YAE1: variants seen among roughly 807,000 people sequenced by gnomAD.
YAE1 encodes the protein YAE1 maturation factor of ABCE1.
In YAE1, 22 loss-of-function variants were observed where a neutral mutation model predicts 23.0. That is an observed-to-expected ratio of 0.96 (90% CI 0.68 to 1.37). The LOEUF (loss-of-function observed/expected upper bound fraction) is 1.37, where lower values mean the gene tolerates loss of function less well. Ranked by LOEUF, YAE1 falls within the 40% of genes most tolerant of loss-of-function variation. The pLI is 0.00. For synonymous variants in YAE1, 101 were observed against 97.0 expected, an observed-to-expected ratio of 1.04 and a Z score of -0.24; for missense variants, 260 against 262.1, an observed-to-expected ratio of 0.99 and a Z score of 0.06.
chr7:39,570,181 AC>A (rs1294070549), intron 1 of YAE1: 1 of 683,970 alleles, frequency 1.5e-6, no homozygotes. Flanking sequence ...GAACTGCAAG[AC>A]TCCTGGAGGG....
At chr7:39,610,138 C>A in exon 3 of YAE1, 1 of 865,378 alleles carries the variant, frequency 1.2e-6, no homozygotes, top group Non-Finnish European at 1.7e-6. Context: ...ACACGTCTCT[C>A]AAACTATGAA....
chr7:39,605,547 C>G (rs572180862), intron 2 of YAE1, among the ~76,000 whole-genome samples: 1 of 152,314 alleles, frequency 6.6e-6, no homozygotes, highest in Admixed American at 6.5e-5. Flanking sequence ...AATTGAAACA[C>G]TGGCTGTTTT....
intron 2 of YAE1, chr7:39,609,495 C>T (rs1791175021): frequency 7.4e-7 from 1 of 1,342,582 alleles, no homozygotes; most frequent in African/African-American, 1.5e-5. Context: ...GTAACAGAGA[C>T]AAATCTTCGT....
downstream of YAE1, among the ~76,000 whole-genome samples, chr7:39,611,221 A>C (rs142180967): frequency 4.5e-4 from 69 of 152,306 alleles, no homozygotes; most frequent in East Asian, 0.013. Context: ...GTTGTCTTAG[A>C]TATACAAATA....
In YAE1 at chr7:39,570,246, G is replaced by GT. The variant is rs1027459866; in HGVS notation, c.130-254dup. 11 of 632,994 alleles carry GT rather than the reference G, an allele frequency of 1.7e-5. No individual in the cohort carries two copies. The African/African-American group carries it at 1.8e-4, about 11-fold the overall frequency. 39.2% of individuals were successfully genotyped at this position (632,994 alleles called of 1,614,324 possible). A position where few individuals can be genotyped will look rare whatever the true frequency, so the allele number is the denominator to read the frequency against. On this transcript the variant is annotated intron_variant, in intron 1 of 2. Transcript: ENST00000223273. ...AGCAAGCGTGGCGGCCCAACACTAG[G>GT]TTTTTTAAAAACTGTGACTATCAGT...
At chr7:39,582,221 T>C (rs1227542931) in intron 2 of YAE1, among the ~76,000 whole-genome samples, 2 of 151,854 alleles carry the variant, frequency 1.3e-5, no homozygotes, top group East Asian at 1.9e-4. Context: ...ATTGTTGAGA[T>C]AGGGCCTCAC....
In YAE1 at chr7:39,572,750, G is replaced by T; in HGVS notation, c.*44G>T. 2.0e-6 allele frequency: 3 copies of T among 1,523,518 alleles called. No homozygotes were observed. The highest frequency in any genetic ancestry group is 2.6e-6 in the Non-Finnish European group (3 of 1,141,310). The allele number at this position is 1,523,518 out of a possible 1,614,324, so 94.4% of individuals were successfully genotyped here. On this transcript the variant is annotated 3_prime_UTR_variant, in exon 3 of 3. Transcript: ENST00000223273. The stretch of plus-strand genomic sequence containing the variant: ...AATGAAAATAATGTTCAGAACATTT[G>T]GTTTCCTAACAATCGAAATTTGTAC...
chr7:39,598,778 C>T lies in YAE1; in HGVS notation c.252-10839C>T, dbSNP rs77567109. On this transcript the variant is annotated intron_variant, in intron 2 of 2. Transcript: ENST00000432096. ...GGTGACAAAGTGAGACCCTGAGGTC[C>T]TGTCTCAAAAAAAAAAAAAAAGAAG... Among the ~76,000 whole-genome samples the T allele has an allele frequency of 0.012, 1,666 of 135,460 alleles. 63 individuals carry two copies. In the East Asian group the frequency reaches 0.13, roughly 11 times the overall value. The allele number at this position is 135,460 out of a possible 152,430, so 88.9% of individuals were successfully genotyped here. A position where few individuals can be genotyped will look rare whatever the true frequency, so the allele number is the denominator to read the frequency against.
At chr7:39,609,553 GA>G in intron 2 of YAE1, 1 of 1,493,918 alleles carries the variant, frequency 6.7e-7, no homozygotes, top group Non-Finnish European at 8.9e-7. Flanking sequence ...GGAGAATGGG[GA>G]AAGTTGTGGG....
chr7:39,572,631 T>C lies in YAE1; in HGVS notation c.606T>C (p.Ile202=). The C allele has an allele frequency of 6.2e-7, 1 of 1,613,952 alleles. No homozygotes were observed. The part of the protein sequence containing the change: ...AHSENPSPTW[I]LEQTASLVKQ... ...CAGAAAACCCAAGCCCCACATGGATTTTGGAACAGACAGCCAGTTTAGTTA... is the reference window on the plus strand; with the variant it reads ...CAGAAAACCCAAGCCCCACATGGATCTTGGAACAGACAGCCAGTTTAGTTA... Residue 202 remains isoleucine, a synonymous_variant, in exon 3 of 3, where the codon ATT becomes ATC. Coordinates refer to ENST00000223273, the MANE Select transcript of YAE1 (RefSeq NM_020192.5).
At chr7:39,604,204 G>A (rs898462222) in intron 2 of YAE1, among the ~76,000 whole-genome samples, 1 of 152,190 alleles carries the variant, frequency 6.6e-6, no homozygotes, top group Non-Finnish European at 1.5e-5. Flanking sequence ...ACATCCAGAG[G>A]AAGGAAAGAG....
At chr7:39,577,131 G>A (rs561759507), downstream of YAE1, among the ~76,000 whole-genome samples, 179 of 152,262 alleles carry the variant, frequency 1.2e-3, no homozygotes, top group Non-Finnish European at 2.3e-3. Context: ...CCTGACCTCA[G>A]GTGATCCACC....
intron 2 of YAE1, among the ~76,000 whole-genome samples, chr7:39,604,406 T>A (rs1172955493): frequency 1.3e-5 from 2 of 152,232 alleles, no homozygotes; most frequent in Non-Finnish European, 2.9e-5. Context: ...TACTTCTTAG[T>A]GTCACCTTTA....
At position 39,586,718 on chromosome 7, in the gene YAE1, C is replaced by T. The variant is rs192511567; in HGVS notation, c.251+16091C>T. Reference sequence around the variant, plus strand: ...TTCACCGTGTTAGCCAGGATGGCCTCCATCTCCTGACCTCGTGATCCGCTC... The same window carrying T: ...TTCACCGTGTTAGCCAGGATGGCCTTCATCTCCTGACCTCGTGATCCGCTC... On this transcript the variant is annotated intron_variant, in intron 2 of 2. Coordinates refer to the YAE1 transcript ENST00000432096. 8.8e-3 allele frequency among the ~76,000 whole-genome samples: 1,343 copies of T among 152,144 alleles called. 20 individuals carry two copies. The highest frequency in any genetic ancestry group is 0.03 in the African/African-American group (1,242 of 41,506).
chr7:39,584,906 C>A (rs1360724735), intron 2 of YAE1, among the ~76,000 whole-genome samples: 1 of 152,152 alleles, frequency 6.6e-6, no homozygotes, highest in East Asian at 1.9e-4. Flanking sequence ...TTAGCACCCT[C>A]CACCTCATAA....
At chr7:39,577,414 G>A (rs926398048), downstream of YAE1, among the ~76,000 whole-genome samples, 6 of 152,186 alleles carry the variant, frequency 3.9e-5, no homozygotes, top group Admixed American at 2.6e-4. Context: ...GGCCGGAACC[G>A]GCTCCCTCCC....
chr7:39,596,056 G>T (rs1790967718), intron 2 of YAE1, among the ~76,000 whole-genome samples: 1 of 152,130 alleles, frequency 6.6e-6, no homozygotes, highest in Admixed American at 6.5e-5. Flanking sequence ...AGAGACAAAG[G>T]CAGTCGCACA....
chr7:39,604,753 A>G (rs747958035), intron 2 of YAE1, among the ~76,000 whole-genome samples: 1 of 152,212 alleles, frequency 6.6e-6, no homozygotes, highest in Non-Finnish European at 1.5e-5. Flanking sequence ...TTTCCCTAGT[A>G]TAAAGGAGTT....
chr7:39,572,909 A>C, downstream of YAE1: 1 of 1,184,090 alleles, frequency 8.4e-7, no homozygotes, highest in Non-Finnish European at 1.1e-6. Context: ...ATTTTTATGT[A>C]GTTTTAAGAT....
Sources: gnomAD v4.1 joint callset for allele counts (sites outside exome capture counted in the v4.1 genomes callset) on GRCh38, gnomAD v4.1.1 for gene constraint, MANE v1.5 for transcripts, NCBI Gene and HGNC (gene_info 2026-07-23, HGNC 2026-07-21) for gene names.